PAICS: variants seen among roughly 807,000 people sequenced by gnomAD.
PAICS encodes bifunctional phosphoribosylaminoimidazole carboxylase/phosphoribosylaminoimidazole succinocarboxamide synthetase.
In PAICS, 33 loss-of-function variants were observed where a neutral mutation model predicts 53.7. That is an observed-to-expected ratio of 0.61 (90% confidence interval 0.47 to 0.82). PAICS has a LOEUF of 0.82. PAICS is among the 40% of genes least tolerant of loss of function. The pLI, the probability that PAICS is intolerant of heterozygous loss-of-function variation, is 0.00. For synonymous variants in PAICS, 141 were observed against 167.2 expected, an observed-to-expected ratio of 0.84 and a Z score of 1.21; for missense variants, 394 against 494.1, an observed-to-expected ratio of 0.80 and a Z score of 1.92.
intron 8 of PAICS, among the ~76,000 whole-genome samples, chr4:56,455,101 A>G (rs1719123569): frequency 6.6e-6 from 1 of 152,150 alleles, no homozygotes; most frequent in South Asian, 2.1e-4. Context: ...AGGTGAGTCA[A>G]GATTGTACCA....
intron 3 of PAICS, 73 bp downstream of exon 3, chr4:56,446,946 G>T: frequency 2.1e-6 from 2 of 944,864 alleles, no homozygotes; most frequent in East Asian, 2.8e-5. Flanking sequence ...AACTCTAAAG[G>T]TTTAAATATT....
At chr4:56,423,930 T>C in the PAICS span, among the ~76,000 whole-genome samples, 861 of 152,268 alleles carry the variant, frequency 5.7e-3, 8 homozygotes, top group African/African-American at 0.02. Flanking sequence ...AAGAATGTAA[T>C]AGAACGTAGT....
the PAICS span, among the ~76,000 whole-genome samples, chr4:56,429,857 A>C: frequency 6.6e-6 from 1 of 152,222 alleles, no homozygotes; most frequent in African/African-American, 2.4e-5. Flanking sequence ...TGGGATTCAT[A>C]CTATATGTAC....
At chr4:56,438,380 T>TATATATATATATATATATATATAA (rs1718145195) in intron 1 of PAICS, among the ~76,000 whole-genome samples, 2 of 66,464 alleles carry the variant, frequency 3.0e-5, no homozygotes, top group African/African-American at 7.0e-5. Context: ...TTTATATATA[T>TATATATATATATATATATATATAA]ATATATATAT....
intron 1 of PAICS, 26 bp downstream of exon 1, chr4:56,436,354 C>T: frequency 1.3e-6 from 2 of 1,517,950 alleles, no homozygotes; most frequent in South Asian, 1.2e-5. Context: ...CCGGGCCCTT[C>T]ACGGTCTCCC....
Position 56,459,555 on chromosome 4 carries a change from A to G in PAICS, c.*17A>G. On this transcript the variant is annotated 3_prime_UTR_variant, in exon 9 of 9. Transcript: ENST00000512576. ...AATTTATAAGAAAGAATGCCATTGA[A>G]TTTTTTAGGGGAAAAACTACAAATT... The G allele has an allele frequency of 1.3e-6, 2 of 1,518,342 alleles. No homozygotes were observed. The highest frequency in any genetic ancestry group is 2.8e-5 in the African/African-American group (2 of 72,482). The allele number at this position is 1,518,342 out of a possible 1,614,324, so 94.1% of individuals were successfully genotyped here. A position where few individuals can be genotyped will look rare whatever the true frequency, so the allele number is the denominator to read the frequency against.
the PAICS span, among the ~76,000 whole-genome samples, chr4:56,418,685 C>G: frequency 6.6e-6 from 1 of 152,004 alleles, no homozygotes; most frequent in Non-Finnish European, 1.5e-5. Context: ...ACACAAAGAC[C>G]AAAGTTAATG....
chr4:56,446,713 C>T lies in PAICS; in HGVS notation c.233C>T (p.Thr78Ile). 2 of 1,598,214 alleles carry T rather than the reference C, an allele frequency of 1.3e-6. No homozygotes were observed. Among genetic ancestry groups the T allele is most frequent in the Non-Finnish European group, 1.7e-6 (2 of 1,170,838 alleles). Reference sequence around the variant, plus strand: ...TATGTAGGTATTAAAACTGCCTTCACCAGAAAATGTGGGGAGACAGCTTTC... The same window carrying T: ...TATGTAGGTATTAAAACTGCCTTCATCAGAAAATGTGGGGAGACAGCTTTC... ...LQEAGIKTAF[T>I]RKCGETAFIA... The change falls in exon 3 of 9, where the codon ACC becomes ATC. Residue 78 changes from threonine (T) to isoleucine (I), a missense_variant. Physicochemically the swap from Thr to Ile is moderately conservative, Grantham distance 89 (BLOSUM62 -1). This residue lies in a region of PAICS where 168 missense variants were observed against 199.3 expected (regional missense o/e 0.84). Transcript: ENST00000512576.
intron 8 of PAICS, among the ~76,000 whole-genome samples, chr4:56,458,981 C>T (rs780332864): frequency 1.3e-4 from 20 of 152,168 alleles, no homozygotes; most frequent in Non-Finnish European, 1.8e-4. Context: ...CAACATAGCT[C>T]AAGTTTGTCT....
the PAICS span, chr4:56,428,975 T>C: frequency 2.0e-6 from 2 of 980,120 alleles, no homozygotes; most frequent in Non-Finnish European, 2.4e-6. Flanking sequence ...CCAAGGAACT[T>C]TGAGCTTCAA....
chr4:56,441,930 T>C, intron 2 of PAICS, 70 bp downstream of exon 2: 1 of 1,065,968 alleles, frequency 9.4e-7, no homozygotes, highest in Non-Finnish European at 1.3e-6. Context: ...TCATGTGAAG[T>C]TGGCATTAAT....
In PAICS at chr4:56,460,014, C is replaced by G. The variant is rs770566775; in HGVS notation, c.*476C>G. ...AAGCAGTTCTCCCACCTCAGCCTCT[C>G]GACTAACAGGGACTATAATCTTGCA... On this transcript the variant is annotated 3_prime_UTR_variant, in exon 9 of 9. Coordinates refer to ENST00000512576, the MANE Select transcript of PAICS (RefSeq NM_001079524.2). 1 of 154,088 alleles carries G rather than the reference C, an allele frequency of 6.5e-6. No individual in the cohort carries two copies. The highest frequency in any genetic ancestry group is 1.4e-5 in the Non-Finnish European group (1 of 69,634). 9.5% of individuals were successfully genotyped at this position (154,088 alleles called of 1,614,324 possible).
chr4:56,440,479 C>G (rs1718280369), intron 1 of PAICS, among the ~76,000 whole-genome samples: 1 of 152,152 alleles, frequency 6.6e-6, no homozygotes, highest in Non-Finnish European at 1.5e-5. Flanking sequence ...CATTCTTTAG[C>G]TGCAGCCCCC....
the PAICS span, chr4:56,419,913 A>G: frequency 3.0e-6 from 3 of 984,380 alleles, no homozygotes; most frequent in South Asian, 4.7e-5. Flanking sequence ...AGGCATGACT[A>G]AGAGTATGAA....
intron 5 of PAICS, among the ~76,000 whole-genome samples, chr4:56,449,499 C>G (rs1401068005): frequency 6.6e-6 from 1 of 152,124 alleles, no homozygotes; most frequent in Admixed American, 6.5e-5. Context: ...CCATTTGACC[C>G]AGCAATCCCA....
intron 8 of PAICS, among the ~76,000 whole-genome samples, chr4:56,455,414 G>A (rs1578160514): frequency 6.6e-6 from 1 of 152,240 alleles, no homozygotes. Flanking sequence ...TGGTCCAGTG[G>A]ACTGGCTTCT....
chr4:56,439,149 G>A (rs1248788957), intron 1 of PAICS, among the ~76,000 whole-genome samples: 1 of 152,074 alleles, frequency 6.6e-6, no homozygotes, highest in Non-Finnish European at 1.5e-5. Context: ...TTAAGGGGAG[G>A]GGCATTAGAT....
intron 5 of PAICS, 75 bp downstream of exon 5, chr4:56,448,898 A>C: frequency 1.3e-6 from 1 of 765,044 alleles, no homozygotes; most frequent in Non-Finnish European, 2.2e-6. Context: ...GATGAGGGGA[A>C]AAAGCAAATT....
chr4:56,454,878 C>CTGGGTG (rs1719109868), intron 8 of PAICS, among the ~76,000 whole-genome samples: 1 of 151,910 alleles, frequency 6.6e-6, no homozygotes, highest in South Asian at 2.1e-4. Flanking sequence ...GGGGATAAGG[C>CTGGGTG]TGGGTGCAGT....
Sources: gnomAD v4.1 joint callset for allele counts (sites outside exome capture counted in the v4.1 genomes callset) on GRCh38, gnomAD v4.1.1 for gene constraint, gnomAD v4.1.1 regional missense constraint, MANE v1.5 for transcripts, NCBI Gene and HGNC (gene_info 2026-07-23, HGNC 2026-07-21) for gene names.